CCAR1: variants seen among roughly 807,000 people sequenced by gnomAD.
The protein encoded by CCAR1 is cell division cycle and apoptosis regulator 1.
A neutral mutation model predicts 163.8 loss-of-function variants in CCAR1; 78 were observed. The observed-to-expected ratio is 0.48, with a 90% CI of 0.40 to 0.57. The LOEUF (loss-of-function observed/expected upper bound fraction) is 0.57. Ranked by LOEUF, CCAR1 falls within the 20% of genes least tolerant of loss-of-function variation. CCAR1 has a pLI of 0.00. For missense variants in CCAR1, 1,019 were observed against 1,365.2 expected (o/e 0.75, Z 4.00); for synonymous variants, 443 against 460.7 (o/e 0.96, Z 0.49).
At chr10:68,746,884 A>G (rs1589163825) in intron 6 of CCAR1, among the ~76,000 whole-genome samples, 1 of 151,844 alleles carries the variant, frequency 6.6e-6, no homozygotes, top group East Asian at 1.9e-4. Flanking sequence ...AGCCCCATCT[A>G]CTTTTTTTAT....
chr10:68,764,556 C>T (rs2056514058), intron 16 of CCAR1, among the ~76,000 whole-genome samples: 1 of 151,862 alleles, frequency 6.6e-6, no homozygotes, highest in Non-Finnish European at 1.5e-5. Flanking sequence ...AAAAAAGTTG[C>T]ATGTATTGAA....
chr10:68,728,360 T>G (rs188474870), intron 2 of CCAR1, among the ~76,000 whole-genome samples: 2,286 of 141,410 alleles, frequency 0.016, 60 homozygotes, highest in African/African-American at 0.053. Flanking sequence ...ATCCTGGAGG[T>G]TTTTTTTTCC....
chr10:68,737,285 G>A (rs142301995), intron 3 of CCAR1, among the ~76,000 whole-genome samples: 1 of 151,970 alleles, frequency 6.6e-6, no homozygotes, highest in East Asian at 1.9e-4. Flanking sequence ...TGGGAGGATC[G>A]TCTGAGCCCG....
At chr10:68,745,057 G>T (rs2056234456) in intron 6 of CCAR1, among the ~76,000 whole-genome samples, 1 of 152,178 alleles carries the variant, frequency 6.6e-6, no homozygotes, top group East Asian at 1.9e-4. Flanking sequence ...CCAGGCAAGA[G>T]TGCAGTGGTG....
Position 68,788,263 on chromosome 10 carries a change from T to C in CCAR1, c.3122T>C (p.Leu1041Ser). ...MVDVGSLLQK[L>S]EKSEKVRAEV... ...GATGTAGGAAGCCTCTTGCAAAAAT[T>C]GGAAAAGAGCGAAAAAGTAAGAGCT... is the stretch of plus-strand genomic sequence containing the variant. Residue 1041 changes from leucine (L) to serine (S), a missense_variant, in exon 23 of 25, where the codon TTG becomes TCG. Around this residue, in one of 4 missense-constraint regions of CCAR1, gnomAD observed 358 missense variants for 406.4 expected, o/e 0.88. Coordinates refer to ENST00000265872, the MANE Select transcript of CCAR1 (RefSeq NM_018237.4). 6.3e-7 allele frequency: 1 copy of C among 1,599,218 alleles called. No individual in the cohort carries two copies. Among genetic ancestry groups the C allele is most frequent in the South Asian group, 1.1e-5 (1 of 87,816 alleles).
chr10:68,777,664 A>ACTC (rs1266573097), intron 19 of CCAR1, among the ~76,000 whole-genome samples: 1 of 151,358 alleles, frequency 6.6e-6, no homozygotes, highest in East Asian at 1.9e-4. Context: ...AGCCTGGGTG[A>ACTC]CAGAGCAAGA....
chr10:68,749,038 A>C, intron 8 of CCAR1, 98 bp from the exon 9 acceptor site: 1 of 1,404,336 alleles, frequency 7.1e-7, no homozygotes, highest in Admixed American at 2.1e-5. Context: ...AATTTTAGTC[A>C]CTCTCAGTTA....
chr10:68,758,615 GTATATATA>G (rs150136958), intron 15 of CCAR1, among the ~76,000 whole-genome samples: 2 of 105,494 alleles, frequency 1.9e-5, no homozygotes, highest in African/African-American at 6.0e-5. Context: ...ATACGTGTGT[GTATATATA>G]TATATATGTA....
rs751152525 is a variant in CCAR1, at chr10:68,747,508, T to C, written c.768T>C (p.Ser256=). 5.6e-6 allele frequency: 9 copies of C among 1,614,210 alleles called. No homozygotes were observed. In the South Asian group the frequency reaches 9.9e-5, roughly 18 times the overall value. ...SLLQAQISAA[S]ITPLLQTQPQ... ...TGCAGGCACAGATTTCAGCAGCTTC[T>C]ATTACACCACTATTGCAGACTCAAC... The change falls in exon 8 of 25, where the codon TCT becomes TCC. Residue 256 remains serine (S), a synonymous_variant. Coordinates refer to ENST00000265872, the MANE Select transcript of CCAR1 (RefSeq NM_018237.4).
In CCAR1 at chr10:68,753,843, G is replaced by A. The variant is rs553897822; in HGVS notation, c.1119-9G>A. 6.3e-7 allele frequency: 1 copy of A among 1,594,802 alleles called. No individual in the cohort carries two copies. The highest frequency in any genetic ancestry group is 1.1e-5 in the South Asian group (1 of 90,632). ...GGCTATTTATTCACTACTTATGTCT[G>A]TTTTTCAGTCCCAGTTGTGACATGA... On this transcript the variant is annotated splice_polypyrimidine_tract_variant and intron_variant, in intron 10 of 24. Coordinates refer to ENST00000265872, the MANE Select transcript of CCAR1 (RefSeq NM_018237.4).
At chr10:68,784,253 T>C (rs528910992) in intron 19 of CCAR1, among the ~76,000 whole-genome samples, 1 of 152,228 alleles carries the variant, frequency 6.6e-6, no homozygotes, top group African/African-American at 2.4e-5. Context: ...TCTTGCTCTG[T>C]CGCCCAGGAT....
Position 68,786,596 on chromosome 10 carries a change from TTTTG to T in CCAR1, c.2788_2791del (p.Val930IlefsTer31). ...CAATTAACAGAGATCTGTTAATGGC[TTTTG>T]TTTATTTTGATCAAAGTCATTGTGG... is the stretch of plus-strand genomic sequence containing the variant. On this transcript the variant is annotated frameshift_variant, in exon 21 of 25. Coordinates refer to ENST00000265872, the MANE Select transcript of CCAR1 (RefSeq NM_018237.4). LOFTEE classifies it high-confidence loss of function. 6.3e-7 allele frequency: 1 copy of T among 1,599,332 alleles called. No homozygotes were observed. Among genetic ancestry groups the T allele is most frequent in the Non-Finnish European group, 8.5e-7 (1 of 1,173,088 alleles).
At chr10:68,765,740 C>T (rs537736162) in intron 16 of CCAR1, 148 bp from the exon 17 acceptor site, 27 of 541,500 alleles carry the variant, frequency 5.0e-5, no homozygotes, top group South Asian at 1.2e-4. Context: ...CCCTTCTCAA[C>T]GCTTATGGTT....
At chr10:68,770,182 G>C (rs1034392951) in intron 17 of CCAR1, among the ~76,000 whole-genome samples, 1 of 151,948 alleles carries the variant, frequency 6.6e-6, no homozygotes, top group African/African-American at 2.4e-5. Flanking sequence ...TATACTCTAG[G>C]TGTTTATCCT....
chr10:68,736,107 T>C (rs1350928137), intron 2 of CCAR1, among the ~76,000 whole-genome samples: 2 of 152,086 alleles, frequency 1.3e-5, no homozygotes, highest in Non-Finnish European at 2.9e-5. Flanking sequence ...CCCGCCTCGG[T>C]TTCCCAGAGT....
intron 15 of CCAR1, chr10:68,759,183 G>A (rs2056437793): frequency 6.6e-6 from 1 of 152,204 alleles, no homozygotes. Context: ...GGAGGCTGAA[G>A]CAGGAGGATT....
chr10:68,769,962 A>T (rs1485642946), intron 17 of CCAR1, among the ~76,000 whole-genome samples: 10 of 150,090 alleles, frequency 6.7e-5, no homozygotes, highest in African/African-American at 2.5e-4. Context: ...AAAAAAAAAA[A>T]TTATATAGTT....
intron 11 of CCAR1, 81 bp downstream of exon 11, chr10:68,754,158 A>G (rs2056370846): frequency 3.0e-6 from 3 of 1,006,880 alleles, no homozygotes; most frequent in Non-Finnish European, 4.5e-6. Flanking sequence ...TATCCTTCAG[A>G]AAGTGTTTGT....
chr10:68,755,391 A>G lies in CCAR1; in HGVS notation c.1480A>G (p.Lys494Glu). The part of the protein sequence containing the change: ...LVKFLVGMKG[K>E]DEAMAIGGHW... ...TTAGTTTTTAGTGGGCATGAAAGGC[A>G]AGGATGAAGCTATGGCCATTGGAGG... The change falls in exon 13 of 25, where the codon AAG becomes GAG. Residue 494 changes from lysine to glutamate, a missense_variant. Physicochemically the swap from Lys to Glu is moderately conservative, Grantham distance 56. Transcript: ENST00000265872. 6.2e-7 allele frequency: 1 copy of G among 1,612,608 alleles called. No individual in the cohort carries two copies. The highest frequency in any genetic ancestry group is 8.5e-7 in the Non-Finnish European group (1 of 1,179,392).
Sources: allele counts gnomAD v4.1 joint callset (sites outside exome capture counted in the v4.1 genomes callset), GRCh38; gene constraint gnomAD v4.1.1; regional missense constraint gnomAD v4.1.1; transcripts MANE v1.5; gene names NCBI Gene and HGNC (gene_info 2026-07-23, HGNC 2026-07-21).